The following GSG1L variants were observed in gnomAD, a reference collection of about 807,000 sequenced individuals.
GSG1L encodes the protein germ cell-specific gene 1-like protein.
GSG1L carries 24 observed loss-of-function variants against 42.1 expected under a neutral mutation model. The observed-to-expected ratio is 0.57, with a 90% CI of 0.41 to 0.80. GSG1L has a LOEUF of 0.80. GSG1L is among the 30% of genes least tolerant of loss of function. GSG1L has a pLI of 0.00. For synonymous variants in GSG1L, 215 were observed against 203.5 expected, an observed-to-expected ratio of 1.06 and a Z score of -0.48; for missense variants, 445 against 472.2, an observed-to-expected ratio of 0.94 and a Z score of 0.53.
At chr16:27,818,562 T>A (rs1714516651) in intron 5 of GSG1L, among the ~76,000 whole-genome samples, 1 of 151,342 alleles carries the variant, frequency 6.6e-6, no homozygotes, top group Admixed American at 6.6e-5. Context: ...GACAGATGGA[T>A]GAGATGGAGC....
chr16:27,846,923 C>A (rs138429207), intron 3 of GSG1L, among the ~76,000 whole-genome samples: 1 of 150,606 alleles, frequency 6.6e-6, no homozygotes, highest in Non-Finnish European at 1.5e-5. Flanking sequence ...TGCCACTGCA[C>A]CCCAGCCTGG....
intron 2 of GSG1L, among the ~76,000 whole-genome samples, chr16:27,888,482 C>CTCTCTCTCTCTCT (rs1196322207): frequency 1.5e-5 from 1 of 68,914 alleles, no homozygotes. Flanking sequence ...CTCTCTCTTT[C>CTCTCTCTCTCTCT]CTTTCTTTCT....
chr16:28,018,150 C>T (rs907498067), intron 1 of GSG1L, among the ~76,000 whole-genome samples: 1 of 152,146 alleles, frequency 6.6e-6, no homozygotes, highest in African/African-American at 2.4e-5. Context: ...CACTCCATAC[C>T]ATCAGAGAAC....
At chr16:27,830,704 C>T (rs571430633) in intron 4 of GSG1L, among the ~76,000 whole-genome samples, 2 of 152,352 alleles carry the variant, frequency 1.3e-5, no homozygotes, top group Admixed American at 1.3e-4. Context: ...GGGACAAGGG[C>T]TGACCATCTG....
At chr16:27,893,267 G>C (rs189137013) in intron 2 of GSG1L, among the ~76,000 whole-genome samples, 167 of 152,236 alleles carry the variant, frequency 1.1e-3, no homozygotes, top group Non-Finnish European at 1.9e-3. Flanking sequence ...TTCATTGCTG[G>C]GATTGATGGG....
chr16:28,012,723 G>GA (rs949659692), intron 1 of GSG1L, among the ~76,000 whole-genome samples: 2 of 151,930 alleles, frequency 1.3e-5, no homozygotes, highest in African/African-American at 4.8e-5. Flanking sequence ...GTGTCTCTAT[G>GA]AAAAAATTTT....
At chr16:27,869,477 ATCTCTCTCTCTCCTTCTC>A (rs2083775008) in intron 3 of GSG1L, among the ~76,000 whole-genome samples, 1 of 128,130 alleles carries the variant, frequency 7.8e-6, no homozygotes. Flanking sequence ...GTCTCCCTCC[ATCTCTCTCTCTCCTTCTC>A]TCTCTCTCTG....
intron 2 of GSG1L, among the ~76,000 whole-genome samples, chr16:27,918,000 G>C (rs72784103): frequency 0.056 from 8,512 of 152,182 alleles, 265 homozygotes; most frequent in Admixed American, 0.066. Context: ...TGAATGCCAA[G>C]TTGAGAAGAA....
intron 3 of GSG1L, among the ~76,000 whole-genome samples, chr16:27,869,915 G>C (rs1469531581): frequency 3.8e-4 from 20 of 52,076 alleles, no homozygotes; most frequent in East Asian, 1.2e-3. Flanking sequence ...CTCTGTCTCT[G>C]TCTCCCTCCA....
Position 28,063,196 on chromosome 16 carries a change from A to AGGCGGTGGCGGC in GSG1L, c.217_228dup (p.Ala73_Ala76dup), listed in dbSNP as rs1555518118. On this transcript the variant is annotated inframe_insertion, in exon 1 of 7. Transcript: ENST00000447459. This position sits in a 1 kb window ranked among gnomAD's most constrained non-coding sequence, Gnocchi z 5.8. The stretch of plus-strand genomic sequence containing the variant: ...GCGCCGCCAGGGGGGCCGTTCCCCG[A>AGGCGGTGGCGGC]GGCGGTGGCGGCGGCGGCGGCGGCG... The AGGCGGTGGCGGC allele has an allele frequency of 7.7e-7, 1 of 1,295,026 alleles. No individual in the cohort carries two copies. The highest frequency in any genetic ancestry group is 1.6e-5 in the African/African-American group (1 of 63,646). 80.2% of individuals were successfully genotyped at this position (1,295,026 alleles called of 1,614,324 possible).
At chr16:27,901,748 T>G (rs2084260633) in intron 2 of GSG1L, among the ~76,000 whole-genome samples, 1 of 152,226 alleles carries the variant, frequency 6.6e-6, no homozygotes, top group Non-Finnish European at 1.5e-5. Flanking sequence ...AACCTTCTGG[T>G]GATGCCCCGT....
At chr16:27,997,378 G>A (rs1198996389) in intron 1 of GSG1L, among the ~76,000 whole-genome samples, 3 of 132,796 alleles carry the variant, frequency 2.3e-5, no homozygotes, top group African/African-American at 8.6e-5. Flanking sequence ...GGAGTGCAGT[G>A]GTGCAACCTC....
chr16:27,870,955 T>C (rs1214859469), intron 3 of GSG1L, among the ~76,000 whole-genome samples: 1 of 151,362 alleles, frequency 6.6e-6, no homozygotes, highest in Non-Finnish European at 1.5e-5. Flanking sequence ...AACAACAGTC[T>C]TTGTGAGACT....
Position 27,916,593 on chromosome 16 carries a change from G to A in GSG1L, c.398-31955C>T, listed in dbSNP as rs1024951507. Among the ~76,000 whole-genome samples, 9 of 151,504 alleles carry A rather than the reference G, an allele frequency of 5.9e-5. No homozygotes were observed. The South Asian group carries it at 1.2e-3, about 21-fold the overall frequency. On this transcript the variant is annotated intron_variant, in intron 2 of 6. Transcript: ENST00000447459. Reference sequence around the variant, plus strand: ...CCATCTCAGCCTCCCAAAGTGCTGGGACGGCAGGCATGAACTACTGTGCCA... The same window carrying A: ...CCATCTCAGCCTCCCAAAGTGCTGGAACGGCAGGCATGAACTACTGTGCCA...
At chr16:28,030,782 A>ATGGGATGGGATGGGATGGGATGGGG (rs2085950359) in intron 1 of GSG1L, among the ~76,000 whole-genome samples, 1 of 128,592 alleles carries the variant, frequency 7.8e-6, no homozygotes, top group Admixed American at 7.9e-5. Context: ...ATGGGATGGG[A>ATGGGATGGGATGGGATGGGATGGGG]TGGGATGGGA....
intron 6 of GSG1L, among the ~76,000 whole-genome samples, chr16:27,799,044 G>A (rs1168631003): frequency 6.6e-6 from 1 of 152,182 alleles, no homozygotes; most frequent in Non-Finnish European, 1.5e-5. Flanking sequence ...GGATGTCACA[G>A]TGAATGCAGC....
chr16:27,795,515 C>A (rs749756), intron 6 of GSG1L, among the ~76,000 whole-genome samples: 2 of 152,208 alleles, frequency 1.3e-5, no homozygotes, highest in South Asian at 2.1e-4. Flanking sequence ...CCAGCAGGCA[C>A]CCTGCAGAGA....
chr16:27,897,575 C>T (rs955245084), intron 2 of GSG1L, among the ~76,000 whole-genome samples: 1 of 152,202 alleles, frequency 6.6e-6, no homozygotes, highest in Admixed American at 6.5e-5. Flanking sequence ...TTTGGGATTA[C>T]AGGCATGAGT....
chr16:27,895,063 A>C (rs1232006330), intron 2 of GSG1L, among the ~76,000 whole-genome samples: 1 of 152,174 alleles, frequency 6.6e-6, no homozygotes, highest in Non-Finnish European at 1.5e-5. Context: ...TGTGAGCCTC[A>C]GTTTCCCTCT....
Sources: allele counts gnomAD v4.1 joint callset (sites outside exome capture counted in the v4.1 genomes callset), GRCh38; gene constraint gnomAD v4.1.1; non-coding constraint Gnocchi (gnomAD v3.1); transcripts MANE v1.5; gene names NCBI Gene and HGNC (gene_info 2026-07-23, HGNC 2026-07-21).